The following USP46 variants were observed in gnomAD, a reference collection of about 807,000 sequenced individuals.
The protein encoded by USP46 is ubiquitin carboxyl-terminal hydrolase 46.
A neutral mutation model predicts 44.4 loss-of-function variants in USP46; 12 were observed. The ratio of observed to expected loss-of-function variants is 0.27; its 90% CI spans 0.17 to 0.44. The LOEUF (loss-of-function observed/expected upper bound fraction) is 0.44. Among genes scored for constraint, USP46 ranks in the 20% least tolerant of loss-of-function variants. The pLI, the probability that USP46 is intolerant of heterozygous loss-of-function variation, is 1.00. For missense variants in USP46, 248 were observed against 444.8 expected (o/e 0.56, Z 3.98); for synonymous variants, 155 against 161.5 (o/e 0.96, Z 0.31).
intron 4 of USP46, among the ~76,000 whole-genome samples, chr4:52,620,639 A>ATGATGTAG (rs970211266): frequency 3.3e-5 from 5 of 152,228 alleles, no homozygotes; most frequent in African/African-American, 4.8e-5. Flanking sequence ...GCAGGGACAG[A>ATGATGTAG]TGATGTAGAG....
intron 5 of USP46, among the ~76,000 whole-genome samples, chr4:52,607,074 A>G (rs534604933): frequency 5.0e-4 from 76 of 152,332 alleles, no homozygotes; most frequent in African/African-American, 1.7e-3. Flanking sequence ...AAGGGTCACA[A>G]TAGCCAAAGA....
chr4:52,632,904 G>T (rs544390109), intron 1 of USP46, among the ~76,000 whole-genome samples: 1 of 86,884 alleles, frequency 1.2e-5, no homozygotes, highest in African/African-American at 4.2e-5. Context: ...GGAAGGGAAA[G>T]AGAAAGAAAG....
chr4:52,602,179 A>C, intron 6 of USP46, 125 bp from the exon 7 acceptor site: 1 of 1,049,796 alleles, frequency 9.5e-7, no homozygotes, highest in Non-Finnish European at 1.4e-6. Flanking sequence ...AAACAACCAA[A>C]CAGTTTGCAA....
intron 4 of USP46, among the ~76,000 whole-genome samples, chr4:52,621,033 GTATCAAAA>G (rs1717355101): frequency 6.6e-6 from 1 of 152,168 alleles, no homozygotes; most frequent in Non-Finnish European, 1.5e-5. Flanking sequence ...ATATTTATAT[GTATCAAAA>G]TATCAAAAAC....
intron 1 of USP46, among the ~76,000 whole-genome samples, chr4:52,657,023 A>G (rs897499206): frequency 6.9e-6 from 1 of 144,316 alleles, no homozygotes; most frequent in Admixed American, 7.1e-5. Context: ...AGCCTGGGTG[A>G]CAGTGTGAGA....
At chr4:52,631,603 G>C (rs907070767) in intron 1 of USP46, among the ~76,000 whole-genome samples, 2 of 152,196 alleles carry the variant, frequency 1.3e-5, no homozygotes, top group African/African-American at 4.8e-5. Context: ...TCTGGGCATG[G>C]ATAACAGAAC....
chr4:52,631,024 C>A, intron 2 of USP46, 40 bp downstream of exon 2: 1 of 1,525,262 alleles, frequency 6.6e-7, no homozygotes, highest in South Asian at 1.2e-5. Flanking sequence ...TTCATATACC[C>A]TAAAACATTT....
rs576201764 is a variant in USP46, at chr4:52,596,944, A to G, written c.*696T>C. The G allele has an allele frequency of 2.0e-5, 3 of 152,788 alleles. No individual in the cohort carries two copies. The highest frequency in any genetic ancestry group is 3.9e-4 in the East Asian group (2 of 5,186). 9.5% of individuals were successfully genotyped at this position (152,788 alleles called of 1,614,324 possible). On this transcript the variant is annotated 3_prime_UTR_variant, in exon 9 of 9. Transcript: ENST00000441222. ...CGAAAATAACTTTTCATTGTCCACA[A>G]AAACTTCCTCCTCTTGACTTTGTCT...
At chr4:52,651,720 C>G (rs142945113) in intron 1 of USP46, among the ~76,000 whole-genome samples, 144 of 152,282 alleles carry the variant, frequency 9.5e-4, no homozygotes, top group Non-Finnish European at 1.9e-3. Context: ...CTCTGCAAGT[C>G]CAGCTTTGCT....
At chr4:52,602,802 AG>A (rs1240616365) in intron 6 of USP46, among the ~76,000 whole-genome samples, 1 of 152,218 alleles carries the variant, frequency 6.6e-6, no homozygotes, top group Admixed American at 6.5e-5. Context: ...CCTGCAGTAA[AG>A]GAATTGTTCT....
At chr4:52,622,298 T>C (rs1436109517) in intron 4 of USP46, among the ~76,000 whole-genome samples, 2 of 152,214 alleles carry the variant, frequency 1.3e-5, no homozygotes, top group Non-Finnish European at 2.9e-5. Flanking sequence ...GTGGCCTATA[T>C]ATAAACATAC....
intron 5 of USP46, among the ~76,000 whole-genome samples, chr4:52,607,152 T>C (rs1418000946): frequency 6.6e-6 from 1 of 152,214 alleles, no homozygotes; most frequent in African/African-American, 2.4e-5. Context: ...ACTTATTTGA[T>C]TTGTAGACCC....
intron 1 of USP46, among the ~76,000 whole-genome samples, chr4:52,647,142 C>T (rs1718575117): frequency 6.6e-6 from 1 of 152,184 alleles, no homozygotes. Flanking sequence ...GAATACTCTG[C>T]AGCCATAAAA....
At chr4:52,634,263 C>A (rs1418303119) in intron 1 of USP46, among the ~76,000 whole-genome samples, 1 of 151,368 alleles carries the variant, frequency 6.6e-6, no homozygotes, top group Non-Finnish European at 1.5e-5. Flanking sequence ...AATCCCAGCA[C>A]TTTGGGACAC....
chr4:52,658,440 C>G (rs930600392), intron 1 of USP46, among the ~76,000 whole-genome samples: 50 of 152,272 alleles, frequency 3.3e-4, no homozygotes, highest in African/African-American at 1.2e-3. Context: ...CCCTGGAGAC[C>G]TCCTCCAAGC....
Position 52,659,002 on chromosome 4 carries a change from G to T in USP46, c.36+113C>A. The T allele has an allele frequency of 1.5e-6, 2 of 1,333,360 alleles. No homozygotes were observed. Among genetic ancestry groups the T allele is most frequent in the Non-Finnish European group, 2.0e-6 (2 of 1,010,972 alleles). The allele number at this position is 1,333,360 out of a possible 1,614,324, so 82.6% of individuals were successfully genotyped here. ...TCGGGGGCCGGGAACTTCTGGCGGC[G>T]CGGACCCCGCCGCCCCCGCCGCCCC... On this transcript the variant is annotated intron_variant, in intron 1 of 8. Coordinates refer to ENST00000441222, the MANE Select transcript of USP46 (RefSeq NM_022832.4). The surrounding 1 kb of genome is among the most constrained non-coding windows in gnomAD (Gnocchi z 4.2).
chr4:52,639,686 T>A (rs550934255), intron 1 of USP46, among the ~76,000 whole-genome samples: 58 of 152,096 alleles, frequency 3.8e-4, no homozygotes, highest in African/African-American at 1.4e-3. Context: ...GTAAAATGTC[T>A]CTAGAAATGA....
intron 4 of USP46, among the ~76,000 whole-genome samples, chr4:52,618,609 C>T (rs1015088906): frequency 6.6e-6 from 1 of 152,268 alleles, no homozygotes; most frequent in African/African-American, 2.4e-5. Flanking sequence ...TTCTAAATCC[C>T]CATATTCCTT....
intron 4 of USP46, among the ~76,000 whole-genome samples, 178 bp from the exon 5 acceptor site, chr4:52,610,795 C>T (rs1451299643): frequency 1.3e-5 from 2 of 152,184 alleles, no homozygotes; most frequent in Non-Finnish European, 2.9e-5. Context: ...TAGAGAAAAT[C>T]CCAAATTCTC....
Sources: allele counts gnomAD v4.1 joint callset (sites outside exome capture counted in the v4.1 genomes callset), GRCh38; gene constraint gnomAD v4.1.1; non-coding constraint Gnocchi (gnomAD v3.1); transcripts MANE v1.5; gene names NCBI Gene and HGNC (gene_info 2026-07-23, HGNC 2026-07-21).